ZFYVE28: variants seen among roughly 807,000 people sequenced by gnomAD.
ZFYVE28 encodes lateral signaling target protein 2 homolog.
ZFYVE28 carries 40 observed loss-of-function variants against 82.1 expected under a neutral mutation model. The ratio of observed to expected loss-of-function variants is 0.49; its 90% CI spans 0.38 to 0.63. ZFYVE28 has a LOEUF of 0.63. Ranked by LOEUF, ZFYVE28 falls within the 30% of genes least tolerant of loss-of-function variation. The pLI, the probability that ZFYVE28 is intolerant of heterozygous loss-of-function variation, is 0.00. For synonymous variants in ZFYVE28, 612 were observed against 546.1 expected (o/e 1.12, Z -1.68); for missense variants, 1,321 against 1,242.1 (o/e 1.06, Z -0.96).
intron 1 of ZFYVE28, among the ~76,000 whole-genome samples, chr4:2,391,731 T>C (rs900476224): frequency 3.0e-5 from 3 of 98,846 alleles, no homozygotes; most frequent in African/African-American, 9.2e-5. Flanking sequence ...GTAAGTCAAT[T>C]CTCTCTCTCT....
chr4:2,277,748 C>G (rs1021091065), intron 8 of ZFYVE28, among the ~76,000 whole-genome samples: 1 of 152,128 alleles, frequency 6.6e-6, no homozygotes, highest in Non-Finnish European at 1.5e-5. Flanking sequence ...ATTGTTGAGA[C>G]GGCATGACTC....
At chr4:2,400,004 C>T (rs1018316557) in intron 1 of ZFYVE28, among the ~76,000 whole-genome samples, 20 of 152,232 alleles carry the variant, frequency 1.3e-4, no homozygotes, top group African/African-American at 4.1e-4. Context: ...CCACGCAGCA[C>T]GCACAGGGCG....
intron 6 of ZFYVE28, among the ~76,000 whole-genome samples, chr4:2,321,878 C>A (rs1719130691): frequency 6.6e-6 from 1 of 152,148 alleles, no homozygotes; most frequent in Admixed American, 6.5e-5. Flanking sequence ...AGCTGCCCCC[C>A]AGGGCAGTCA....
In ZFYVE28 at chr4:2,335,378, CT is replaced by C. The variant is rs1721520491; in HGVS notation, c.701+326del. 1.3e-5 allele frequency among the ~76,000 whole-genome samples: 2 copies of C among 152,330 alleles called. No homozygotes were observed. The highest frequency in any genetic ancestry group is 4.1e-4 in the South Asian group (2 of 4,826). On this transcript the variant is annotated intron_variant, in intron 6 of 12. Coordinates refer to ENST00000290974, the MANE Select transcript of ZFYVE28 (RefSeq NM_020972.3). The surrounding 1 kb of genome is among the most constrained non-coding windows in gnomAD (Gnocchi z 5.8). The stretch of plus-strand genomic sequence containing the variant: ...GGCCACTCTGTTCCGAGCATGACCC[CT>C]GTGTGACCCTCATGGTCTCCTGTGA...
At chr4:2,355,957 C>T (rs1725250700) in intron 1 of ZFYVE28, among the ~76,000 whole-genome samples, 1 of 152,226 alleles carries the variant, frequency 6.6e-6, no homozygotes, top group African/African-American at 2.4e-5. Flanking sequence ...AAATCGCGCA[C>T]AGTTCGAATG....
intron 4 of ZFYVE28, among the ~76,000 whole-genome samples, chr4:2,338,857 C>T (rs1410659545): frequency 6.6e-6 from 1 of 151,794 alleles, no homozygotes; most frequent in Admixed American, 6.6e-5. Context: ...TGCAGTCTCG[C>T]TCTCTCGCCC....
intron 4 of ZFYVE28, among the ~76,000 whole-genome samples, chr4:2,338,588 G>A (rs184566188): frequency 2.6e-4 from 40 of 152,210 alleles, no homozygotes; most frequent in East Asian, 7.7e-4. Flanking sequence ...GTGAGACTCC[G>A]TCTCAGAAAA....
intron 8 of ZFYVE28, among the ~76,000 whole-genome samples, chr4:2,299,889 TGG>T (rs1715249209): frequency 6.6e-6 from 1 of 152,062 alleles, no homozygotes; most frequent in Admixed American, 6.5e-5. Flanking sequence ...CTCCACCTTC[TGG>T]GCTCAAGTGA....
chr4:2,405,160 A>G lies in ZFYVE28; in HGVS notation c.39+13125T>C, dbSNP rs533393657. Reference sequence around the variant, plus strand: ...GATAGTTCCAAAGTGAGCCCCAGATACCCCCAGAGAGTGGCCCGGACAAAG... The same window carrying G: ...GATAGTTCCAAAGTGAGCCCCAGATGCCCCCAGAGAGTGGCCCGGACAAAG... On this transcript the variant is annotated intron_variant, in intron 1 of 12. Coordinates refer to ENST00000290974, the MANE Select transcript of ZFYVE28 (RefSeq NM_020972.3). Among the ~76,000 whole-genome samples, 11 of 152,182 alleles carry G rather than the reference A, an allele frequency of 7.2e-5. No homozygotes were observed. In the South Asian group the frequency reaches 2.3e-3, roughly 32 times the overall value.
chr4:2,348,876 C>T (rs1723954318), intron 2 of ZFYVE28, among the ~76,000 whole-genome samples: 1 of 152,078 alleles, frequency 6.6e-6, no homozygotes, highest in Admixed American at 6.5e-5. Flanking sequence ...GTTCTCTGAT[C>T]CTCTTTCTAC....
chr4:2,272,868 G>A (rs1372417978), intron 10 of ZFYVE28, among the ~76,000 whole-genome samples: 2 of 152,256 alleles, frequency 1.3e-5, no homozygotes, highest in African/African-American at 4.8e-5. Context: ...ACAGAAGCCG[G>A]GGCTGTGGGC....
intron 1 of ZFYVE28, among the ~76,000 whole-genome samples, chr4:2,381,611 T>C (rs1413662115): frequency 6.6e-6 from 1 of 152,186 alleles, no homozygotes; most frequent in Non-Finnish European, 1.5e-5. Context: ...TCCACCGTAT[T>C]GGCCAGGCTG....
rs948746805 is a variant in ZFYVE28 at position 2,335,241 on chromosome 4, C to A, written c.701+464G>T. ...TGCCCTTCAACCCAATGTGCTTCAC[C>A]TCCCTGCCAGCCCCCAAATTATTCA... is the stretch of plus-strand genomic sequence containing the variant. On this transcript the variant is annotated intron_variant, in intron 6 of 12. Transcript: ENST00000290974. This position sits in a 1 kb window ranked among gnomAD's most constrained non-coding sequence, Gnocchi z 5.8. Among the ~76,000 whole-genome samples, 1 of 152,046 alleles carries A rather than the reference C, an allele frequency of 6.6e-6. No individual in the cohort carries two copies. Among genetic ancestry groups the A allele is most frequent in the Admixed American group, 6.5e-5 (1 of 15,276 alleles).
In ZFYVE28 at chr4:2,408,778, C is replaced by T. The variant is rs1485359439; in HGVS notation, c.39+9507G>A. Among the ~76,000 whole-genome samples the T allele has an allele frequency of 6.6e-6, 1 of 152,134 alleles. No homozygotes were observed. The highest frequency in any genetic ancestry group is 1.5e-5 in the Non-Finnish European group (1 of 68,012). ...ATGGCCCCACACTGTGAGTCCTGCC[C>T]ATATAAGCCCCACCTAGATGAAGCC... On this transcript the variant is annotated intron_variant, in intron 1 of 12. Transcript: ENST00000290974. The surrounding 1 kb of genome is among the most constrained non-coding windows in gnomAD (Gnocchi z 4.3).
chr4:2,304,346 T>C lies in ZFYVE28; in HGVS notation c.1994A>G (p.Glu665Gly), dbSNP rs1326729234. ...AGCCGAGGGGCTCCCAGCATGCAGC[T>C]CTCTGGCCTCTGGCTCCTGCTGACC... ...VAGQQEPEAR[E>G]LHAGSPSAHE... Residue 665 changes from glutamate (E) to glycine (G), a missense_variant, in exon 8 of 13, where the codon GAG becomes GGG. By Grantham distance (98) the Glu-to-Gly change is moderately conservative. This residue lies in a region of ZFYVE28 where 978 missense variants were observed against 833.7 expected (regional missense o/e 1.17). Coordinates refer to ENST00000290974, the MANE Select transcript of ZFYVE28 (RefSeq NM_020972.3). 8 of 1,608,246 alleles carry C rather than the reference T, an allele frequency of 5.0e-6. No individual in the cohort carries two copies. In the South Asian group the frequency reaches 7.7e-5, roughly 15 times the overall value.
At chr4:2,282,435 T>A (rs913468786) in intron 8 of ZFYVE28, among the ~76,000 whole-genome samples, 2 of 152,192 alleles carry the variant, frequency 1.3e-5, no homozygotes, top group African/African-American at 4.8e-5. Flanking sequence ...ACAGGGGGGA[T>A]AAATGGCTGA....
chr4:2,399,521 A>G (rs981922789), intron 1 of ZFYVE28, among the ~76,000 whole-genome samples: 3 of 152,186 alleles, frequency 2.0e-5, no homozygotes, highest in African/African-American at 7.2e-5. Context: ...GGCCTCTGAC[A>G]TCTGGTTTTC....
intron 4 of ZFYVE28, 36 bp from the exon 5 acceptor site, chr4:2,337,532 G>C: frequency 6.5e-7 from 1 of 1,550,154 alleles, no homozygotes; most frequent in Non-Finnish European, 8.8e-7. Context: ...GCCGCACCTG[G>C]GCTGTGGCGG....
intron 8 of ZFYVE28, among the ~76,000 whole-genome samples, chr4:2,275,619 G>T (rs1424833221): frequency 2.6e-5 from 4 of 152,238 alleles, no homozygotes; most frequent in African/African-American, 9.6e-5. Flanking sequence ...TGCCCCAAAT[G>T]TTCGGGGATC....
Sources: gnomAD v4.1 joint callset for allele counts (sites outside exome capture counted in the v4.1 genomes callset) on GRCh38, gnomAD v4.1.1 for gene constraint, gnomAD v4.1.1 regional missense constraint, Gnocchi (gnomAD v3.1) non-coding constraint, MANE v1.5 for transcripts, NCBI Gene and HGNC (gene_info 2026-07-23, HGNC 2026-07-21) for gene names.